DESI1: variants seen among roughly 807,000 people sequenced by gnomAD.
DESI1 encodes the protein PPPDE peptidase domain containing 2.
In DESI1, 17 loss-of-function variants were observed where a neutral mutation model predicts 22.4. That is an observed-to-expected ratio of 0.76 (90% CI 0.52 to 1.14). The LOEUF (loss-of-function observed/expected upper bound fraction) is 1.14. Among genes scored for constraint, DESI1 ranks in the 50% most tolerant of loss-of-function variants. The pLI, the probability that DESI1 is intolerant of heterozygous loss-of-function variation, is 0.00. For synonymous variants in DESI1, 92 were observed against 84.2 expected (o/e 1.09, Z -0.51); for missense variants, 177 against 208.9 (o/e 0.85, Z 0.94).
chr22:41,606,436 T>C (rs1474233757), intron 3 of DESI1, among the ~76,000 whole-genome samples: 1 of 151,912 alleles, frequency 6.6e-6, no homozygotes, highest in African/African-American at 2.4e-5. Context: ...TGCTTGGCCA[T>C]TGCTTGAGCA....
chr22:41,611,610 T>C (rs1359188786), intron 1 of DESI1, among the ~76,000 whole-genome samples: 1 of 90,498 alleles, frequency 1.1e-5, no homozygotes, highest in Admixed American at 9.5e-5. Context: ...TTTTTTTTTT[T>C]TTGAGACAGT....
intron 1 of DESI1, among the ~76,000 whole-genome samples, chr22:41,619,918 C>A (rs1369251424): frequency 6.6e-6 from 1 of 152,204 alleles, no homozygotes; most frequent in Admixed American, 6.6e-5. Context: ...ACAAACCTGA[C>A]AATTCCTGTG....
chr22:41,603,419 C>A, intron 4 of DESI1, 38 bp from the exon 5 acceptor site: 1 of 1,613,566 alleles, frequency 6.2e-7, no homozygotes, highest in Non-Finnish European at 8.5e-7. Flanking sequence ...ATATGAGAAA[C>A]CAGCAAGCGT....
chr22:41,604,762 G>C (rs538091280), intron 3 of DESI1, among the ~76,000 whole-genome samples: 294 of 152,076 alleles, frequency 1.9e-3, no homozygotes, highest in African/African-American at 6.7e-3. Context: ...AAAATCTCAT[G>C]TTTTAAGAAA....
At chr22:41,606,999 A>G (rs2067486907) in intron 3 of DESI1, among the ~76,000 whole-genome samples, 1 of 152,056 alleles carries the variant, frequency 6.6e-6, no homozygotes, top group Admixed American at 6.6e-5. Context: ...GCTCGCAAGG[A>G]GCTTACACAG....
At position 41,604,125 on chromosome 22, in the gene DESI1, G is replaced by C. The variant is rs1408958502; in HGVS notation, c.209C>G (p.Ser70Cys). The change falls in exon 4 of 6, where the codon TCT becomes TGT. Residue 70 changes from serine (S) to cysteine (C), a missense_variant. Transcript: ENST00000263256. ...TTCTGTACTCCCCACATCAACCACA[G>C]AGTCTGGAGGCCCAAGCAATGTCCC... is the stretch of plus-strand genomic sequence containing the variant. ...PGGTLLGPPD[S>C]VVDVGSTEVT... 1 of 1,613,986 alleles carries C rather than the reference G, an allele frequency of 6.2e-7. No homozygotes were observed. Among genetic ancestry groups the C allele is most frequent in the African/African-American group, 1.3e-5 (1 of 75,040 alleles).
chr22:41,607,418 G>T, intron 2 of DESI1, 87 bp from the exon 3 acceptor site: 1 of 1,335,370 alleles, frequency 7.5e-7, no homozygotes, highest in Non-Finnish European at 1.0e-6. Flanking sequence ...AGTAATTTCT[G>T]CCCAAGGATA....
At chr22:41,604,607 T>C (rs866145857) in intron 3 of DESI1, among the ~76,000 whole-genome samples, 1 of 152,104 alleles carries the variant, frequency 6.6e-6, no homozygotes, top group Non-Finnish European at 1.5e-5. Flanking sequence ...TTGCTATTTG[T>C]ATCAAGGATG....
intron 1 of DESI1, among the ~76,000 whole-genome samples, chr22:41,615,137 A>C (rs901424060): frequency 3.5e-4 from 53 of 150,882 alleles, no homozygotes; most frequent in Non-Finnish European, 6.8e-4. Context: ...TCTCTTCTAA[A>C]AAAAAATACA....
intron 1 of DESI1, among the ~76,000 whole-genome samples, chr22:41,614,521 T>C (rs2147048456): frequency 6.9e-6 from 1 of 145,068 alleles, no homozygotes; most frequent in Non-Finnish European, 1.5e-5. Context: ...GGGGTTCAAG[T>C]GATTCTTCTG....
At position 41,599,135 on chromosome 22, in the gene DESI1, C is replaced by G. The variant is rs2067436036; in HGVS notation, c.*1962G>C. ...AGCAGCAGATGGGGCCAGAAATGAGCAGCAGCTTTTTGGAGAGGAAAGGCC... is the reference window on the plus strand; with the variant it reads ...AGCAGCAGATGGGGCCAGAAATGAGGAGCAGCTTTTTGGAGAGGAAAGGCC... On this transcript the variant is annotated 3_prime_UTR_variant, in exon 6 of 6. Transcript: ENST00000263256. 6.6e-6 allele frequency: 1 copy of G among 152,216 alleles called. No individual in the cohort carries two copies. The highest frequency in any genetic ancestry group is 2.4e-5 in the African/African-American group (1 of 41,422). The allele number at this position is 152,216 out of a possible 1,614,324, so 9.4% of individuals were successfully genotyped here.
intron 5 of DESI1, 139 bp downstream of exon 5, chr22:41,603,120 G>T: frequency 7.7e-7 from 1 of 1,290,450 alleles, no homozygotes; most frequent in Non-Finnish European, 1.1e-6. Context: ...GAGAATGGCA[G>T]CCTTCTGTGT....
chr22:41,605,384 G>C (rs1238851454), intron 3 of DESI1, among the ~76,000 whole-genome samples: 1 of 152,174 alleles, frequency 6.6e-6, no homozygotes, highest in Non-Finnish European at 1.5e-5. Context: ...GGGGAAACCA[G>C]CCACTGGGGA....
chr22:41,611,868 G>GGCGT (rs2067519734), intron 1 of DESI1, among the ~76,000 whole-genome samples: 1 of 152,160 alleles, frequency 6.6e-6, no homozygotes, highest in Admixed American at 6.6e-5. Flanking sequence ...TGGGATTACA[G>GGCGT]GCGTGAGCTA....
chr22:41,612,320 C>A (rs2067522326), intron 1 of DESI1, among the ~76,000 whole-genome samples: 1 of 151,764 alleles, frequency 6.6e-6, no homozygotes. Flanking sequence ...ACCAGCCTGG[C>A]CAACATGGTG....
chr22:41,609,067 A>G (rs1005851119), intron 1 of DESI1, among the ~76,000 whole-genome samples: 10 of 151,848 alleles, frequency 6.6e-5, no homozygotes, highest in Non-Finnish European at 1.0e-4. Flanking sequence ...TCAGCCTCCC[A>G]AGTAGCTGGG....
chr22:41,620,812 T>A lies in DESI1; in HGVS notation c.28A>T (p.Lys10Ter). The change falls in exon 1 of 6, where the codon AAG becomes TAG. Residue 10 changes from lysine to a stop codon, truncating the protein, a stop_gained. Coordinates refer to ENST00000263256, the MANE Select transcript of DESI1 (RefSeq NM_015704.3). LOFTEE classifies it high-confidence loss of function. MEPPNLYPVKLYVYDLSKGL... is the reference protein window; with the variant it reads MEPPNLYPV The stretch of plus-strand genomic sequence containing the variant: ...TTGGACAGGTCGTACACGTAGAGCT[T>A]CACCGGATAGAGATTCGGCGGCTCC... 1 of 1,612,446 alleles carries A rather than the reference T, an allele frequency of 6.2e-7. No individual in the cohort carries two copies. Among genetic ancestry groups the A allele is most frequent in the Non-Finnish European group, 8.5e-7 (1 of 1,179,262 alleles).
At chr22:41,601,297 C>T in intron 5 of DESI1, 107 bp from the exon 6 acceptor site, 7 of 994,598 alleles carry the variant, frequency 7.0e-6, no homozygotes, top group Non-Finnish European at 1.0e-5. Flanking sequence ...CTGGTGGCAG[C>T]AGAAGCAGCA....
At chr22:41,619,270 C>T (rs1413020206) in intron 1 of DESI1, among the ~76,000 whole-genome samples, 1 of 152,004 alleles carries the variant, frequency 6.6e-6, no homozygotes, top group Non-Finnish European at 1.5e-5. Context: ...ATTTTTGGAC[C>T]AAAACTCCAG....
Sources: gnomAD v4.1 joint callset for allele counts (sites outside exome capture counted in the v4.1 genomes callset) on GRCh38, gnomAD v4.1.1 for gene constraint, MANE v1.5 for transcripts, NCBI Gene and HGNC (gene_info 2026-07-23, HGNC 2026-07-21) for gene names.